Variants in ZFPM2 observed in about 807,000 individuals in gnomAD.
ZFPM2 encodes the protein zinc finger protein ZFPM2.
A neutral mutation model predicts 98.6 loss-of-function variants in ZFPM2; 20 were observed. The ratio of observed to expected loss-of-function variants is 0.20; its 90% CI spans 0.14 to 0.29. ZFPM2 has a LOEUF of 0.29. ZFPM2 is among the 10% of genes least tolerant of loss of function. The probability of loss-of-function intolerance (pLI) is 1.00; values close to 1 mark genes in which losing one functional copy is unlikely to be tolerated. For synonymous variants in ZFPM2, 518 were observed against 502.7 expected (o/e 1.03, Z -0.41); for missense variants, 1,310 against 1,388.6 (o/e 0.94, Z 0.90).
At chr8:105,736,066 G>A (rs1396703279) in intron 5 of ZFPM2, among the ~76,000 whole-genome samples, 2 of 152,040 alleles carry the variant, frequency 1.3e-5, no homozygotes, top group South Asian at 4.1e-4. Flanking sequence ...TATTGCGATA[G>A]TATTAATGTT....
At chr8:105,402,927 G>C (rs757615294) in intron 1 of ZFPM2, among the ~76,000 whole-genome samples, 4 of 151,992 alleles carry the variant, frequency 2.6e-5, no homozygotes, top group Non-Finnish European at 4.4e-5. Context: ...AAATTTCAGA[G>C]TTAACTGAAT....
At chr8:105,519,864 G>T (rs893915774) in intron 3 of ZFPM2, among the ~76,000 whole-genome samples, 1 of 151,580 alleles carries the variant, frequency 6.6e-6, no homozygotes, top group Non-Finnish European at 1.5e-5. Context: ...TGTATATTTT[G>T]ATTAACCTAT....
At position 105,803,694 on chromosome 8, in the gene ZFPM2, C is replaced by T. The variant is rs1814118787; in HGVS notation, c.*156C>T. 1 of 704,150 alleles carries T rather than the reference C, an allele frequency of 1.4e-6. No individual in the cohort carries two copies. The highest frequency in any genetic ancestry group is 2.1e-5 in the South Asian group (1 of 48,662). The allele number at this position is 704,150 out of a possible 1,614,324, so 43.6% of individuals were successfully genotyped here. On this transcript the variant is annotated 3_prime_UTR_variant, in exon 8 of 8. Coordinates refer to ENST00000407775, the MANE Select transcript of ZFPM2 (RefSeq NM_012082.4). Reference sequence around the variant, plus strand: ...CTTAAGGTGTAATTTCATTACAGTCCATTAGTAAAGTGTATTATTGGTGCC... The same window carrying T: ...CTTAAGGTGTAATTTCATTACAGTCTATTAGTAAAGTGTATTATTGGTGCC...
chr8:105,736,587 A>G (rs1265056008), intron 5 of ZFPM2, among the ~76,000 whole-genome samples: 3 of 152,056 alleles, frequency 2.0e-5, no homozygotes, highest in African/African-American at 7.2e-5. Flanking sequence ...GTTCTGACAA[A>G]TCCACGAGTC....
intron 5 of ZFPM2, among the ~76,000 whole-genome samples, chr8:105,709,390 G>A (rs1811329747): frequency 1.3e-5 from 2 of 152,118 alleles, no homozygotes; most frequent in Admixed American, 1.3e-4. Flanking sequence ...TTAGACAGGT[G>A]TTCTTGATGT....
At chr8:105,796,403 T>G (rs1393501502) in intron 6 of ZFPM2, among the ~76,000 whole-genome samples, 1 of 152,206 alleles carries the variant, frequency 6.6e-6, no homozygotes, top group African/African-American at 2.4e-5. Flanking sequence ...GTGAGTTAAA[T>G]TCATCCTGCT....
intron 1 of ZFPM2, among the ~76,000 whole-genome samples, chr8:105,389,811 T>C (rs1436725304): frequency 6.6e-6 from 1 of 152,076 alleles, no homozygotes; most frequent in East Asian, 1.9e-4. Context: ...AAAAGCAGCA[T>C]GTAGTGGGGA....
At chr8:105,500,665 T>G (rs1748151451) in intron 3 of ZFPM2, among the ~76,000 whole-genome samples, 1 of 152,192 alleles carries the variant, frequency 6.6e-6, no homozygotes, top group Non-Finnish European at 1.5e-5. Flanking sequence ...TGTATAGTAT[T>G]GAAGAAAATA....
At chr8:105,540,510 T>A (rs1396524455) in intron 3 of ZFPM2, among the ~76,000 whole-genome samples, 1 of 152,128 alleles carries the variant, frequency 6.6e-6, no homozygotes, top group Non-Finnish European at 1.5e-5. Context: ...AACAACATGT[T>A]TTATCATCAA....
rs574050936 is a variant in ZFPM2 at position 105,414,824 on chromosome 8, G to A, written c.41-4320G>A. Reference sequence around the variant, plus strand: ...TCAGCTATTACATTACCAGTGTATAGGGTTAGACTATTTAATCTTTAATGC... The same window carrying A: ...TCAGCTATTACATTACCAGTGTATAAGGTTAGACTATTTAATCTTTAATGC... On this transcript the variant is annotated intron_variant, in intron 1 of 7. Transcript: ENST00000407775. The A allele has an allele frequency of 2.0e-5, 3 of 152,048 alleles. No individual in the cohort carries two copies. The South Asian group carries it at 6.2e-4, about 32-fold the overall frequency. The allele number at this position is 152,048 out of a possible 1,614,324, so 9.4% of individuals were successfully genotyped here. A position where few individuals can be genotyped will look rare whatever the true frequency, so the allele number is the denominator to read the frequency against.
chr8:105,410,576 A>G (rs1811556939), intron 1 of ZFPM2, among the ~76,000 whole-genome samples: 1 of 151,898 alleles, frequency 6.6e-6, no homozygotes, highest in Non-Finnish European at 1.5e-5. Context: ...TTTTACTTGT[A>G]CTAGCTTAAC....
intron 5 of ZFPM2, among the ~76,000 whole-genome samples, chr8:105,653,536 A>G (rs1023230499): frequency 6.6e-6 from 1 of 152,230 alleles, no homozygotes; most frequent in Admixed American, 6.5e-5. Flanking sequence ...AGAAATGTAA[A>G]AGCTCAGGCC....
At chr8:105,574,364 T>C (rs1483720186) in intron 4 of ZFPM2, among the ~76,000 whole-genome samples, 3 of 152,234 alleles carry the variant, frequency 2.0e-5, no homozygotes, top group Admixed American at 1.3e-4. Context: ...CAAACTGCCT[T>C]TTGAATGATC....
intron 4 of ZFPM2, among the ~76,000 whole-genome samples, chr8:105,625,789 G>C (rs984469104): frequency 6.6e-6 from 1 of 151,826 alleles, no homozygotes; most frequent in African/African-American, 2.4e-5. Flanking sequence ...CACCATGTTG[G>C]CCAGGCTGGT....
intron 6 of ZFPM2, among the ~76,000 whole-genome samples, chr8:105,793,872 C>T (rs936235738): frequency 1.3e-5 from 2 of 151,462 alleles, no homozygotes; most frequent in East Asian, 1.9e-4. Context: ...ATCACATCGG[C>T]TCCTGAGGCT....
intron 1 of ZFPM2, among the ~76,000 whole-genome samples, chr8:105,388,827 C>T (rs902526594): frequency 3.3e-5 from 5 of 152,142 alleles, no homozygotes; most frequent in African/African-American, 1.2e-4. Flanking sequence ...CCTGTGTGCT[C>T]AGTTCCCTGA....
intron 1 of ZFPM2, among the ~76,000 whole-genome samples, chr8:105,369,235 G>T (rs1810570992): frequency 6.6e-6 from 1 of 152,056 alleles, no homozygotes. Context: ...TGTTAAGAGG[G>T]TCTGTTTGAA....
chr8:105,798,944 C>G lies in ZFPM2; in HGVS notation c.960C>G (p.His320Gln), dbSNP rs1422048692. Reference sequence around the variant, plus strand: ...CTCTAGAAATGCACCTGAATTCACACAGTGGTAAATGCCCCTTTTGTTTCT... The same window carrying G: ...CTCTAGAAATGCACCTGAATTCACAGAGTGGTAAATGCCCCTTTTGTTTCT... ...ARALEMHLNS[H>Q]SGVKMEEFLP... The change falls in exon 7 of 8, where the codon CAC becomes CAG. Residue 320 changes from histidine to glutamine, a missense_variant. Physicochemically the swap from His to Gln is conservative, Grantham distance 24. Transcript: ENST00000407775. 2.5e-6 allele frequency: 4 copies of G among 1,613,296 alleles called. No homozygotes were observed. Among genetic ancestry groups the G allele is most frequent in the Non-Finnish European group, 3.4e-6 (4 of 1,179,408 alleles).
chr8:105,448,650 T>A (rs1812425266), intron 3 of ZFPM2, among the ~76,000 whole-genome samples: 1 of 152,040 alleles, frequency 6.6e-6, no homozygotes, highest in South Asian at 2.1e-4. Context: ...GAACGAAGTG[T>A]ACAGATTTTA....
Sources: allele counts gnomAD v4.1 joint callset (sites outside exome capture counted in the v4.1 genomes callset), GRCh38; gene constraint gnomAD v4.1.1; transcripts MANE v1.5; gene names NCBI Gene and HGNC (gene_info 2026-07-23, HGNC 2026-07-21).